The following CBLIF variants were observed in gnomAD, a reference collection of about 807,000 sequenced individuals.
CBLIF encodes gastric intrinsic factor (vitamin B synthesis).
CBLIF carries 24 observed loss-of-function variants against 44.9 expected under a neutral mutation model. The ratio of observed to expected loss-of-function variants is 0.53; its 90% CI spans 0.39 to 0.75. CBLIF has a LOEUF of 0.75. CBLIF is among the 30% of genes least tolerant of loss of function. CBLIF has a pLI of 0.00. For missense variants in CBLIF, 481 were observed against 513.0 expected, an observed-to-expected ratio of 0.94 and a Z score of 0.60; for synonymous variants, 183 against 190.9, an observed-to-expected ratio of 0.96 and a Z score of 0.34.
At chr11:59,830,267 C>T (rs541053645) in intron 8 of CBLIF, among the ~76,000 whole-genome samples, 30 of 138,552 alleles carry the variant, frequency 2.2e-4, no homozygotes, top group Admixed American at 8.5e-4. Flanking sequence ...AACGGAGTCT[C>T]GCTCTGTCAC....
Position 59,845,436 on chromosome 11 carries a change from G to C in CBLIF, c.18C>G (p.Leu6=). 6.2e-7 allele frequency: 1 copy of C among 1,610,812 alleles called. No homozygotes were observed. MAWFA[L]YLLSLLWATA... is the part of the protein sequence containing the mutation. ...TAGCCCAGAGAAGGCTCAGGAGGTA[G>C]AGGGCAAACCAGGCCATCTCACTCT... Residue 6 remains leucine, a synonymous_variant, in exon 1 of 9, where the codon CTC becomes CTG. Transcript: ENST00000257248.
At position 59,829,452 on chromosome 11, in the gene CBLIF, G is replaced by C. The variant is rs747699851; in HGVS notation, c.*32C>G. ...GAAAAAATTTCACCCATCCTTTGGA[G>C]ATGTTTGATAGAAGCTGAACCCACC... On this transcript the variant is annotated 3_prime_UTR_variant, in exon 9 of 9. Coordinates refer to ENST00000257248, the MANE Select transcript of CBLIF (RefSeq NM_005142.3). 7 of 1,440,184 alleles carry C rather than the reference G, an allele frequency of 4.9e-6. No homozygotes were observed. The highest frequency in any genetic ancestry group is 6.9e-6 in the Non-Finnish European group (7 of 1,021,126). The allele number at this position is 1,440,184 out of a possible 1,614,324, so 89.2% of individuals were successfully genotyped here.
At chr11:59,845,353 C>T (rs779561978) in intron 1 of CBLIF, 22 bp downstream of exon 1, 1 of 1,609,466 alleles carries the variant, frequency 6.2e-7, no homozygotes, top group Admixed American at 1.7e-5. Context: ...CCCTGACCTC[C>T]TTGGAAAAAC....
intron 5 of CBLIF, among the ~76,000 whole-genome samples, chr11:59,837,779 A>C (rs1159092284): frequency 6.6e-6 from 1 of 152,136 alleles, no homozygotes; most frequent in Non-Finnish European, 1.5e-5. Flanking sequence ...GGACTCTCAG[A>C]GGCTCCACAA....
chr11:59,830,971 T>A (rs1326199344), intron 8 of CBLIF, among the ~76,000 whole-genome samples: 1 of 152,234 alleles, frequency 6.6e-6, no homozygotes, highest in Non-Finnish European at 1.5e-5. Flanking sequence ...TAATATTGGA[T>A]AATGAAGCAT....
intron 5 of CBLIF, 106 bp from the exon 6 acceptor site, chr11:59,837,457 G>C: frequency 1.2e-6 from 1 of 855,310 alleles, no homozygotes; most frequent in Non-Finnish European, 2.0e-6. Flanking sequence ...TGGTGATCAC[G>C]TAGTCACCCA....
At position 59,837,296 on chromosome 11, in the gene CBLIF, G is replaced by T. The variant is rs542431882; in HGVS notation, c.749C>A (p.Thr250Lys). ...SKKEWNCKKTTDMILNEIKQG... is the reference protein window; with the variant it reads ...SKKEWNCKKTKDMILNEIKQG... Reference sequence around the variant, plus strand: ...CTTAATCTCATTGAGTATCATATCCGTAGTCTTCTTGCAGTTCCATTCCTT... The same window carrying T: ...CTTAATCTCATTGAGTATCATATCCTTAGTCTTCTTGCAGTTCCATTCCTT... The change falls in exon 6 of 9, where the codon ACG becomes AAG. Residue 250 changes from threonine to lysine, a missense_variant. Coordinates refer to ENST00000257248, the MANE Select transcript of CBLIF (RefSeq NM_005142.3). 6.2e-7 allele frequency: 1 copy of T among 1,612,602 alleles called. No homozygotes were observed. The highest frequency in any genetic ancestry group is 2.2e-5 in the East Asian group (1 of 44,864).
intron 7 of CBLIF, among the ~76,000 whole-genome samples, chr11:59,832,363 T>A (rs1304957531): frequency 3.3e-5 from 5 of 151,996 alleles, no homozygotes; most frequent in Non-Finnish European, 7.4e-5. Context: ...TCAGGAGAAA[T>A]AACTAATGGG....
At chr11:59,832,695 A>G (rs1488135764) in intron 7 of CBLIF, among the ~76,000 whole-genome samples, 1 of 152,124 alleles carries the variant, frequency 6.6e-6, no homozygotes, top group African/African-American at 2.4e-5. Flanking sequence ...AAATTTTAAA[A>G]AAGCAAACAT....
At chr11:59,832,517 G>T (rs1866386823) in intron 7 of CBLIF, among the ~76,000 whole-genome samples, 1 of 152,128 alleles carries the variant, frequency 6.6e-6, no homozygotes, top group South Asian at 2.1e-4. Context: ...GCCAGGTGTG[G>T]CGGCTCATGC....
At chr11:59,836,092 C>A (rs1045327989) in intron 6 of CBLIF, 83 bp from the exon 7 acceptor site, 4 of 1,001,954 alleles carry the variant, frequency 4.0e-6, no homozygotes, top group Non-Finnish European at 6.4e-6. Context: ...TGGCAACTTA[C>A]CCCAGAAGAC....
intron 8 of CBLIF, among the ~76,000 whole-genome samples, chr11:59,830,362 G>A (rs533075194): frequency 1.7e-3 from 255 of 149,192 alleles, no homozygotes; most frequent in Non-Finnish European, 2.7e-3. Flanking sequence ...TCAGCCTCCC[G>A]AGTAGCTGGG....
At position 59,837,342 on chromosome 11, in the gene CBLIF, C is replaced by G. The variant is rs149355084; in HGVS notation, c.703G>C (p.Val235Leu). Reference protein sequence around the residue: ...STGLAMQALSVTPEPSKKEWN... With the variant: ...STGLAMQALSLTPEPSKKEWN... ...TCCTTTTTAGATGGCTCAGGTGTTA[C>G]AGAGAGAGCCTGGGAAGGAAGACAG... Residue 235 changes from valine to leucine, a missense_variant, in exon 6 of 9, where the codon GTA (valine) becomes CTA (leucine). Physicochemically the swap from Val to Leu is conservative, Grantham distance 32. Transcript: ENST00000257248. 3.7e-6 allele frequency: 6 copies of G among 1,611,702 alleles called. No homozygotes were observed. In the South Asian group the frequency reaches 6.6e-5, roughly 18 times the overall value.
intron 3 of CBLIF, 63 bp downstream of exon 3, chr11:59,842,965 G>T (rs886776612): frequency 9.6e-7 from 1 of 1,040,534 alleles, no homozygotes. Context: ...TTCCTTTCTG[G>T]GTTTAAAATT....
At chr11:59,830,517 T>A (rs2135081386) in intron 8 of CBLIF, among the ~76,000 whole-genome samples, 1 of 152,154 alleles carries the variant, frequency 6.6e-6, no homozygotes, top group East Asian at 1.9e-4. Flanking sequence ...ACTTTCTTTT[T>A]AAAAAAATTC....
rs948418280 is a variant in CBLIF, at chr11:59,837,349, A to C, written c.696T>G (p.Ala232=). 2 of 1,610,958 alleles carry C rather than the reference A, an allele frequency of 1.2e-6. No homozygotes were observed. The highest frequency in any genetic ancestry group is 1.7e-6 in the Non-Finnish European group (2 of 1,177,168). The change falls in exon 6 of 9, where the codon GCT becomes GCG. Residue 232 remains alanine (A), a splice_region_variant and synonymous_variant. Coordinates refer to ENST00000257248, the MANE Select transcript of CBLIF (RefSeq NM_005142.3). ...TAGATGGCTCAGGTGTTACAGAGAG[A>C]GCCTGGGAAGGAAGACAGAAAGAGA... ...DIYSTGLAMQ[A]LSVTPEPSKK... is the part of the protein sequence containing the mutation.
intron 3 of CBLIF, 166 bp downstream of exon 3, chr11:59,842,862 A>G: frequency 3.0e-6 from 2 of 670,574 alleles, no homozygotes; most frequent in Non-Finnish European, 5.4e-6. Context: ...TTTGGATTGG[A>G]AATGAATCTT....
intron 4 of CBLIF, among the ~76,000 whole-genome samples, chr11:59,842,043 T>C (rs1466619632): frequency 6.6e-6 from 1 of 152,086 alleles, no homozygotes; most frequent in East Asian, 1.9e-4. Context: ...TTGGATGTAA[T>C]GAGGAGAAGC....
chr11:59,829,514 C>T lies in CBLIF; in HGVS notation c.1224G>A (p.Glu408=). ...GVADYIPFNH[E]HITANFTQY ...ACTGTGTGAAATTGGCTGTGATGTG[C>T]TCGTGGTTGAAGGGTATGTAGTCAG... is the stretch of plus-strand genomic sequence containing the variant. The change falls in exon 9 of 9, where the codon GAG becomes GAA. Residue 408 remains glutamate (E), a synonymous_variant. Coordinates refer to ENST00000257248, the MANE Select transcript of CBLIF (RefSeq NM_005142.3). The T allele has an allele frequency of 1.2e-6, 2 of 1,611,708 alleles. No homozygotes were observed. Among genetic ancestry groups the T allele is most frequent in the East Asian group, 2.2e-5 (1 of 44,872 alleles).
Sources: gnomAD v4.1 joint callset for allele counts (sites outside exome capture counted in the v4.1 genomes callset) on GRCh38, gnomAD v4.1.1 for gene constraint, MANE v1.5 for transcripts, NCBI Gene and HGNC (gene_info 2026-07-23, HGNC 2026-07-21) for gene names.